The following GMCL1 variants were observed in gnomAD, a reference collection of about 807,000 sequenced individuals.
GMCL1 encodes germ cell-less 1, spermatogenesis associated, also known as germ cell-less protein-like 1.
In GMCL1, 54 loss-of-function variants were observed where a neutral mutation model predicts 75.5. The ratio of observed to expected loss-of-function variants is 0.71; its 90% CI spans 0.57 to 0.90. The LOEUF (loss-of-function observed/expected upper bound fraction) is 0.90. Among genes scored for constraint, GMCL1 ranks in the 40% least tolerant of loss-of-function variants. The probability of loss-of-function intolerance (pLI) is 0.00; values close to 1 mark genes in which losing one functional copy is unlikely to be tolerated. For synonymous variants in GMCL1, 210 were observed against 209.6 expected (o/e 1.00, Z -0.02); for missense variants, 537 against 622.7 (o/e 0.86, Z 1.47).
At chr2:69,876,945 G>A (rs1455977715) in intron 13 of GMCL1, among the ~76,000 whole-genome samples, 1 of 152,198 alleles carries the variant, frequency 6.6e-6, no homozygotes, top group Non-Finnish European at 1.5e-5. Flanking sequence ...CCATGATCAT[G>A]CCACCGCACT....
chr2:69,867,155 A>G (rs183342744), intron 11 of GMCL1, among the ~76,000 whole-genome samples: 1 of 152,160 alleles, frequency 6.6e-6, no homozygotes, highest in East Asian at 1.9e-4. Context: ...TATGTTGCCC[A>G]GGCTGTTCTC....
chr2:69,831,864 T>C (rs964399382), intron 1 of GMCL1, among the ~76,000 whole-genome samples: 1 of 152,132 alleles, frequency 6.6e-6, no homozygotes, highest in African/African-American at 2.4e-5. Flanking sequence ...TGCCTTGACC[T>C]CCCAAAGTGT....
intron 1 of GMCL1, among the ~76,000 whole-genome samples, chr2:69,833,811 C>T (rs1056431551): frequency 2.0e-4 from 30 of 152,160 alleles, no homozygotes; most frequent in Admixed American, 5.2e-4. Flanking sequence ...TTTACATTTA[C>T]GAGACTGTTA....
intron 13 of GMCL1, among the ~76,000 whole-genome samples, chr2:69,872,112 C>T (rs1379512176): frequency 2.0e-5 from 3 of 152,166 alleles, no homozygotes; most frequent in Admixed American, 6.5e-5. Flanking sequence ...ATCAGCAGCA[C>T]TAAAATTCAT....
chr2:69,859,786 C>T (rs1675590174), intron 9 of GMCL1, among the ~76,000 whole-genome samples: 1 of 131,138 alleles, frequency 7.6e-6, no homozygotes, highest in Non-Finnish European at 1.6e-5. Flanking sequence ...TAAGGAAAGA[C>T]ACCAGTAAAT....
intron 13 of GMCL1, among the ~76,000 whole-genome samples, chr2:69,876,564 A>G (rs1461364529): frequency 6.6e-6 from 1 of 152,212 alleles, no homozygotes. Flanking sequence ...AGAAATAATA[A>G]TTGGATGAGA....
At chr2:69,833,212 A>G (rs1304833141) in intron 1 of GMCL1, among the ~76,000 whole-genome samples, 1 of 152,220 alleles carries the variant, frequency 6.6e-6, no homozygotes, top group South Asian at 2.1e-4. Context: ...TGGAATGGAA[A>G]GTTTTTAAGG....
intron 11 of GMCL1, among the ~76,000 whole-genome samples, chr2:69,868,395 C>G (rs1017940728): frequency 2.0e-5 from 3 of 152,102 alleles, no homozygotes; most frequent in Non-Finnish European, 2.9e-5. Context: ...AGGGTGTCAG[C>G]CAAACACTTG....
chr2:69,870,491 AAAG>A (rs922614058), intron 12 of GMCL1, among the ~76,000 whole-genome samples: 4 of 152,290 alleles, frequency 2.6e-5, no homozygotes, highest in Admixed American at 2.6e-4. Flanking sequence ...ACAGGCAACA[AAAG>A]AAGCAGTAGA....
Position 69,871,730 on chromosome 2 carries a change from T to A in GMCL1, c.1365-15T>A, listed in dbSNP as rs1213366587. 5 of 1,372,110 alleles carry A rather than the reference T, an allele frequency of 3.6e-6. No homozygotes were observed. Among genetic ancestry groups the A allele is most frequent in the East Asian group, 4.6e-5 (2 of 43,208 alleles). 85.0% of individuals were successfully genotyped at this position (1,372,110 alleles called of 1,614,324 possible). ...AAAATCTTGTGTTTATTTTTTATTTTTTTTTTAATCCTAGATTACGTTTGG... is the reference window on the plus strand; with the variant it reads ...AAAATCTTGTGTTTATTTTTTATTTATTTTTTAATCCTAGATTACGTTTGG... On this transcript the variant is annotated splice_polypyrimidine_tract_variant and intron_variant, in intron 12 of 13. Transcript: ENST00000282570.
At chr2:69,846,503 T>C (rs2103974346) in intron 6 of GMCL1, among the ~76,000 whole-genome samples, 1 of 152,238 alleles carries the variant, frequency 6.6e-6, no homozygotes, top group Non-Finnish European at 1.5e-5. Context: ...GCATAGAGGA[T>C]TTTGGTATTT....
intron 12 of GMCL1, among the ~76,000 whole-genome samples, chr2:69,870,088 T>G (rs2104047221): frequency 6.7e-6 from 1 of 149,272 alleles, no homozygotes; most frequent in South Asian, 2.2e-4. Flanking sequence ...TATATACCAG[T>G]AGGGAATATC....
rs1558541306 is a variant in GMCL1 at position 69,847,640 on chromosome 2, TATGATGTCATATTATACAA to T, written c.843+14_843+32del. ...TGCTCTAAAAAAGGTACTGACGTAA[TATGATGTCATATTATACAA>T]GGATGTCACCTCAGCAATGCGTATA... On this transcript the variant is annotated intron_variant, in intron 7 of 13. Coordinates refer to ENST00000282570, the MANE Select transcript of GMCL1 (RefSeq NM_178439.5). 6.7e-7 allele frequency: 1 copy of T among 1,483,102 alleles called. No individual in the cohort carries two copies. Among genetic ancestry groups the T allele is most frequent in the East Asian group, 2.3e-5 (1 of 44,112 alleles). The allele number at this position is 1,483,102 out of a possible 1,614,324, so 91.9% of individuals were successfully genotyped here. A position where few individuals can be genotyped will look rare whatever the true frequency, so the allele number is the denominator to read the frequency against.
At chr2:69,841,176 T>C (rs1229819838) in intron 4 of GMCL1, 137 bp downstream of exon 4, 1 of 604,398 alleles carries the variant, frequency 1.7e-6, no homozygotes, top group Non-Finnish European at 2.8e-6. Context: ...TGACATTTAT[T>C]ATAAATCATT....
chr2:69,876,996 AACAG>A (rs1212855442), intron 13 of GMCL1, among the ~76,000 whole-genome samples: 4 of 152,114 alleles, frequency 2.6e-5, no homozygotes, highest in African/African-American at 9.7e-5. Flanking sequence ...TCAAAACAAA[AACAG>A]ACAGACAAAA....
intron 6 of GMCL1, among the ~76,000 whole-genome samples, chr2:69,845,125 T>TA (rs968324816): frequency 5.9e-5 from 9 of 151,998 alleles, no homozygotes; most frequent in South Asian, 2.1e-4. Flanking sequence ...AATCTTCCTT[T>TA]AAAAAAAACC....
chr2:69,870,397 C>G (rs2104048189), intron 12 of GMCL1, among the ~76,000 whole-genome samples: 1 of 152,134 alleles, frequency 6.6e-6, no homozygotes, highest in East Asian at 1.9e-4. Context: ...AGAACTGCAA[C>G]TATGAAACTC....
chr2:69,871,765 A>T lies in GMCL1; in HGVS notation c.1385A>T (p.Asp462Val). 6.4e-7 allele frequency: 1 copy of T among 1,570,928 alleles called. No individual in the cohort carries two copies. Among genetic ancestry groups the T allele is most frequent in the Non-Finnish European group, 8.7e-7 (1 of 1,152,990 alleles). Residue 462 changes from aspartate (D) to valine (V), a missense_variant, in exon 13 of 14, where the codon GAT becomes GTT. Asp to Val is a radical substitution (Grantham distance 152). Coordinates refer to ENST00000282570, the MANE Select transcript of GMCL1 (RefSeq NM_178439.5). Reference sequence around the variant, plus strand: ...CCTAGATTACGTTTGGCTTCTTTTGATAGTAGTGGAAAACTAATATGTAGT... The same window carrying T: ...CCTAGATTACGTTTGGCTTCTTTTGTTAGTAGTGGAAAACTAATATGTAGT... Reference protein sequence around the residue: ...IAFRLRLASFDSSGKLICSRT... With the variant: ...IAFRLRLASFVSSGKLICSRT...
intron 9 of GMCL1, among the ~76,000 whole-genome samples, chr2:69,857,915 A>G (rs868572511): frequency 2.4e-4 from 37 of 152,336 alleles, no homozygotes; most frequent in African/African-American, 8.9e-4. Flanking sequence ...ATTAGGAAGT[A>G]TCTTTTTTTT....
Sources: allele counts gnomAD v4.1 joint callset (sites outside exome capture counted in the v4.1 genomes callset), GRCh38; gene constraint gnomAD v4.1.1; transcripts MANE v1.5; gene names NCBI Gene and HGNC (gene_info 2026-07-23, HGNC 2026-07-21).